The following WIZ variants were observed in gnomAD, a reference collection of about 807,000 sequenced individuals.
WIZ encodes the protein protein Wiz.
In WIZ, 25 loss-of-function variants were observed where a neutral mutation model predicts 140.2. The ratio of observed to expected loss-of-function variants is 0.18; its 90% CI spans 0.13 to 0.25. WIZ has a LOEUF of 0.25. Among genes scored for constraint, WIZ ranks in the 10% least tolerant of loss-of-function variants. The probability of loss-of-function intolerance (pLI) is 1.00; values close to 1 mark genes in which losing one functional copy is unlikely to be tolerated. For missense variants in WIZ, 2,231 were observed against 2,632.6 expected (o/e 0.85, Z 3.34); for synonymous variants, 1,125 against 1,154.3 (o/e 0.97, Z 0.51).
Position 15,448,308 on chromosome 19 carries a change from C to T in WIZ, c.-1G>A, listed in dbSNP as rs377351271. ...GGCTGCCTGCCAGAGACCCCTCCAT[C>T]GGATTTTCTCTGCTTGGATCCACTC... On this transcript the variant is annotated 5_prime_UTR_variant, in exon 2 of 13. Coordinates refer to ENST00000673675, the MANE Select transcript of WIZ (RefSeq NM_001371589.1). The T allele has an allele frequency of 2.5e-5, 41 of 1,611,622 alleles. No homozygotes were observed. Among genetic ancestry groups the T allele is most frequent in the East Asian group, 2.0e-4 (9 of 44,874 alleles).
In WIZ at chr19:15,424,128, C is replaced by CG; in HGVS notation, c.5510+54dup. 6 of 1,417,520 alleles carry CG rather than the reference C, an allele frequency of 4.2e-6. No homozygotes were observed. The highest frequency in any genetic ancestry group is 5.6e-6 in the Non-Finnish European group (6 of 1,077,710). The allele number at this position is 1,417,520 out of a possible 1,614,324, so 87.8% of individuals were successfully genotyped here. A position where few individuals can be genotyped will look rare whatever the true frequency, so the allele number is the denominator to read the frequency against. On this transcript the variant is annotated intron_variant, in intron 12 of 12. Transcript: ENST00000673675. The surrounding 1 kb of genome is among the most constrained non-coding windows in gnomAD (Gnocchi z 9.7). ...CAAACCCTATCCTGTTCCAAGGCTC[C>CG]GGGTGACCAAGGTCCACTCAGGTGG...
Position 15,424,460 on chromosome 19 carries a change from T to C in WIZ, c.5315-82A>G. On this transcript the variant is annotated intron_variant, in intron 11 of 12. Coordinates refer to ENST00000673675, the MANE Select transcript of WIZ (RefSeq NM_001371589.1). This position sits in a 1 kb window ranked among gnomAD's most constrained non-coding sequence, Gnocchi z 9.7. ...GGAATACACAAGAGCTGAGGACTGATGCTACCTGGATGGGTGGGATGGGGG... is the reference window on the plus strand; with the variant it reads ...GGAATACACAAGAGCTGAGGACTGACGCTACCTGGATGGGTGGGATGGGGG... 2 of 1,546,814 alleles carry C rather than the reference T, an allele frequency of 1.3e-6. No homozygotes were observed. Among genetic ancestry groups the C allele is most frequent in the Non-Finnish European group, 1.7e-6 (2 of 1,143,618 alleles).
chr19:15,439,221 G>A lies in WIZ; in HGVS notation c.1773C>T (p.Ser591=). 3 of 1,535,750 alleles carry A rather than the reference G, an allele frequency of 2.0e-6. No homozygotes were observed. Among genetic ancestry groups the A allele is most frequent in the Non-Finnish European group, 2.6e-6 (3 of 1,146,678 alleles). The change falls in exon 4 of 13, where the codon TCC becomes TCT. Residue 591 remains serine, a synonymous_variant. Coordinates refer to ENST00000673675, the MANE Select transcript of WIZ (RefSeq NM_001371589.1). This position sits in a 1 kb window ranked among gnomAD's most constrained non-coding sequence, Gnocchi z 7.0. The stretch of plus-strand genomic sequence containing the variant: ...TGCTTTTGTTTCTCCCGAGCTGTAA[G>A]GAGTAGGGGGTGGATGCTAGTGTGG... ...FPSTLASTPY[S]LQLGRNKSTV...
At chr19:15,432,498 CGGCGGTGGCGGTGGCGGTGGTGGT>C (rs1969319357) in intron 5 of WIZ, 6 of 894,202 alleles carry the variant, frequency 6.7e-6, no homozygotes, top group Non-Finnish European at 7.9e-6. Context: ...CGTCCCGCGG[CGGCGGTGGCGGTGGCGGTGGTGGT>C]GGCGGCGGCG....
Position 15,440,326 on chromosome 19 carries a change from T to G in WIZ, c.668A>C (p.Glu223Ala). The G allele has an allele frequency of 6.6e-7, 1 of 1,522,056 alleles. No individual in the cohort carries two copies. The highest frequency in any genetic ancestry group is 8.8e-7 in the Non-Finnish European group (1 of 1,138,210). 94.3% of individuals were successfully genotyped at this position (1,522,056 alleles called of 1,614,324 possible). A position where few individuals can be genotyped will look rare whatever the true frequency, so the allele number is the denominator to read the frequency against. Residue 223 changes from glutamate (E) to alanine (A), a missense_variant, in exon 4 of 13, where the codon GAA (glutamate) becomes GCA (alanine). By Grantham distance (107) the Glu-to-Ala change is moderately radical. Coordinates refer to ENST00000673675, the MANE Select transcript of WIZ (RefSeq NM_001371589.1). The surrounding 1 kb of genome is among the most constrained non-coding windows in gnomAD (Gnocchi z 6.2). ...CATGTCCAGCGTCTTCGGGGTGTCTTCCACTGGCACAAACACCCTCCTGAA... is the reference window on the plus strand; with the variant it reads ...CATGTCCAGCGTCTTCGGGGTGTCTGCCACTGGCACAAACACCCTCCTGAA... ...APFRRVFVPV[E>A]DTPKTLDMAV... is the part of the protein sequence containing the mutation.
rs1599705829 is a variant in WIZ, at chr19:15,440,836, C to T, written c.279-121G>A. The T allele has an allele frequency of 2.0e-6, 2 of 1,001,866 alleles. No individual in the cohort carries two copies. Among genetic ancestry groups the T allele is most frequent in the East Asian group, 2.7e-5 (1 of 37,700 alleles). 62.1% of individuals were successfully genotyped at this position (1,001,866 alleles called of 1,614,324 possible). A position where few individuals can be genotyped will look rare whatever the true frequency, so the allele number is the denominator to read the frequency against. ...CCCCGGAGATCCAGCCCGAGGGTGA[C>T]AGGGGTGTGGGGGTGAGGGTGGGAG... On this transcript the variant is annotated intron_variant, in intron 3 of 12. Transcript: ENST00000673675. This position sits in a 1 kb window ranked among gnomAD's most constrained non-coding sequence, Gnocchi z 6.2.
chr19:15,429,198 CCT>C (rs1250669110), intron 7 of WIZ, among the ~76,000 whole-genome samples: 6 of 152,108 alleles, frequency 3.9e-5, no homozygotes, highest in Admixed American at 6.5e-5. Context: ...CAGGTGATCC[CCT>C]GTCTATCCAA....
rs751290410 is a variant in WIZ, at chr19:15,439,207, C to A, written c.1787G>T (p.Arg596Ile). ...ASTPYSLQLG[R>I]NKSTVHPQGL... ...TTGTGGGTGGACGGTGCTTTTGTTT[C>A]TCCCGAGCTGTAAGGAGTAGGGGGT... Residue 596 changes from arginine (R) to isoleucine (I), a missense_variant, in exon 4 of 13, where the codon AGA becomes ATA. Arg to Ile is a moderately conservative substitution (Grantham distance 97, BLOSUM62 -3). Transcript: ENST00000673675. This position sits in a 1 kb window ranked among gnomAD's most constrained non-coding sequence, Gnocchi z 7.0. 54 of 1,535,666 alleles carry A rather than the reference C, an allele frequency of 3.5e-5. No individual in the cohort carries two copies. The Admixed American group carries it at 4.5e-4, about 13-fold the overall frequency.
chr19:15,425,168 C>T (rs1417319556), intron 10 of WIZ, 73 bp downstream of exon 10: 2 of 1,541,836 alleles, frequency 1.3e-6, no homozygotes, highest in African/African-American at 2.7e-5. Flanking sequence ...GGTCAGTGTG[C>T]ACGCTTGTGG....
Position 15,427,384 on chromosome 19 carries a change from G to A in WIZ, c.3964C>T (p.Leu1322=), listed in dbSNP as rs1374399349. ...GTCCGTCTCTTCAGGATCTCCCGCAGCGTGTCGATGGGCGAGCCATTGACG... is the reference window on the plus strand; with the variant it reads ...GTCCGTCTCTTCAGGATCTCCCGCAACGTGTCGATGGGCGAGCCATTGACG... ...WYVNGSPIDT[L]REILKRRTQS... is the part of the protein sequence containing the mutation. Residue 1322 remains leucine (L), a synonymous_variant, in exon 9 of 13, where the codon CTG becomes TTG. Transcript: ENST00000673675. This position sits in a 1 kb window ranked among gnomAD's most constrained non-coding sequence, Gnocchi z 6.4. 3 of 1,613,450 alleles carry A rather than the reference G, an allele frequency of 1.9e-6. No individual in the cohort carries two copies. Among genetic ancestry groups the A allele is most frequent in the African/African-American group, 2.7e-5 (2 of 74,928 alleles).
chr19:15,428,034 A>AGGGGGCT lies in WIZ; in HGVS notation c.3814+69_3814+75dup. 1 of 1,501,242 alleles carries AGGGGGCT rather than the reference A, an allele frequency of 6.7e-7. No homozygotes were observed. Among genetic ancestry groups the AGGGGGCT allele is most frequent in the Non-Finnish European group, 8.9e-7 (1 of 1,129,172 alleles). 93.0% of individuals were successfully genotyped at this position (1,501,242 alleles called of 1,614,324 possible). ...CTGTCTACTCCCTGCCCCAGCAGGGAGGGGGCTGTGACCCCCCCCCCGGGA... is the reference window on the plus strand; with the variant it reads ...CTGTCTACTCCCTGCCCCAGCAGGGAGGGGGCTGGGGGCTGTGACCCCCCCCCCGGGA... On this transcript the variant is annotated intron_variant, in intron 8 of 12. Transcript: ENST00000673675. The surrounding 1 kb of genome is among the most constrained non-coding windows in gnomAD (Gnocchi z 6.4).
chr19:15,425,103 G>A (rs1193516210), intron 10 of WIZ, 71 bp from the exon 11 acceptor site: 2 of 1,507,510 alleles, frequency 1.3e-6, no homozygotes, highest in Non-Finnish European at 1.8e-6. Flanking sequence ...GCCCTGCCCA[G>A]GCCAGGTGCC....
At position 15,440,291 on chromosome 19, in the gene WIZ, C is replaced by T. The variant is rs997094018; in HGVS notation, c.703G>A (p.Gly235Ser). 6.7e-7 allele frequency: 1 copy of T among 1,495,286 alleles called. No homozygotes were observed. Among genetic ancestry groups the T allele is most frequent in the African/African-American group, 1.4e-5 (1 of 71,858 alleles). 92.6% of individuals were successfully genotyped at this position (1,495,286 alleles called of 1,614,324 possible). A position where few individuals can be genotyped will look rare whatever the true frequency, so the allele number is the denominator to read the frequency against. The change falls in exon 4 of 13, where the codon GGT (glycine) becomes AGT (serine). Residue 235 changes from glycine (G) to serine (S), a missense_variant. This residue lies in a region of WIZ where 307 missense variants were observed against 294.1 expected (regional missense o/e 1.04). Transcript: ENST00000673675. This position sits in a 1 kb window ranked among gnomAD's most constrained non-coding sequence, Gnocchi z 6.2. ...AGGTCCTCCAGATCTTCTCTGCCACCCACCACCGCCATGTCCAGCGTCTTC... is the reference window on the plus strand; with the variant it reads ...AGGTCCTCCAGATCTTCTCTGCCACTCACCACCGCCATGTCCAGCGTCTTC... ...TPKTLDMAVV[G>S]GREDLEDLEG...
In WIZ at chr19:15,422,553, CCT is replaced by C. The variant is rs1452945106; in HGVS notation, c.*521_*522del. On this transcript the variant is annotated 3_prime_UTR_variant, in exon 13 of 13. Transcript: ENST00000673675. Reference sequence around the variant, plus strand: ...GCCCCACAGAGGGAGCGTGGCTTCCCCTGAGCAAGCACCGTGGCATGATGTGG... The same window carrying C: ...GCCCCACAGAGGGAGCGTGGCTTCCCGAGCAAGCACCGTGGCATGATGTGG... The C allele has an allele frequency of 6.6e-6, 1 of 152,660 alleles. No individual in the cohort carries two copies. Among genetic ancestry groups the C allele is most frequent in the African/African-American group, 2.4e-5 (1 of 41,470 alleles). 9.5% of individuals were successfully genotyped at this position (152,660 alleles called of 1,614,324 possible). A position where few individuals can be genotyped will look rare whatever the true frequency, so the allele number is the denominator to read the frequency against.
chr19:15,448,381 G>A lies in WIZ; in HGVS notation c.-60-14C>T. On this transcript the variant is annotated splice_polypyrimidine_tract_variant and intron_variant, in intron 1 of 12. Coordinates refer to ENST00000673675, the MANE Select transcript of WIZ (RefSeq NM_001371589.1). ...GGCATTGTGGGCCTGGGGATAGAGA[G>A]AAGGAAGTGCTTAGGGGATGGAGGA... 1.9e-6 allele frequency: 3 copies of A among 1,563,848 alleles called. No homozygotes were observed. Among genetic ancestry groups the A allele is most frequent in the Middle Eastern group, 1.7e-4 (1 of 5,894 alleles).
At position 15,422,747 on chromosome 19, in the gene WIZ, G is replaced by A. The variant is rs10413192; in HGVS notation, c.*329C>T. 0.02 allele frequency: 7,492 copies of A among 379,542 alleles called. 426 individuals carry two copies. Among genetic ancestry groups the A allele is most frequent in the African/African-American group, 0.12 (6,018 of 48,736 alleles). The allele number at this position is 379,542 out of a possible 1,614,324, so 23.5% of individuals were successfully genotyped here. ...CAAATGGCCACGGATGGCAGACATC[G>A]CCCTGCCTGGCTGCTAGACGGGGGA... On this transcript the variant is annotated 3_prime_UTR_variant, in exon 13 of 13. Coordinates refer to ENST00000673675, the MANE Select transcript of WIZ (RefSeq NM_001371589.1).
At position 15,442,782 on chromosome 19, in the gene WIZ, G is replaced by A; in HGVS notation, c.206-34C>T. The A allele has an allele frequency of 3.3e-6, 4 of 1,222,506 alleles. No individual in the cohort carries two copies. Among genetic ancestry groups the A allele is most frequent in the Non-Finnish European group, 3.1e-6 (3 of 979,394 alleles). The allele number at this position is 1,222,506 out of a possible 1,614,324, so 75.7% of individuals were successfully genotyped here. The stretch of plus-strand genomic sequence containing the variant: ...GAGAGGGGAGACCCTGAGGGGCTGG[G>A]GTCCCCCTGGCCGGGGCCCTCCACA... On this transcript the variant is annotated intron_variant, in intron 2 of 12. Transcript: ENST00000673675. The surrounding 1 kb of genome is among the most constrained non-coding windows in gnomAD (Gnocchi z 5.5).
chr19:15,436,555 T>C (rs1969521756), intron 5 of WIZ: 1 of 469,326 alleles, frequency 2.1e-6, no homozygotes, highest in Non-Finnish European at 3.7e-6. Context: ...TCAGTAAGCA[T>C]TTGTCAAAGT....
Position 15,422,819 on chromosome 19 carries a change from C to T in WIZ, c.*257G>A. On this transcript the variant is annotated 3_prime_UTR_variant, in exon 13 of 13. Coordinates refer to ENST00000673675, the MANE Select transcript of WIZ (RefSeq NM_001371589.1). Reference sequence around the variant, plus strand: ...AGACCGGCTGCCATCAGAGACCTGGCTGCTGCCCCTGCTGGACCAGGTGGG... The same window carrying T: ...AGACCGGCTGCCATCAGAGACCTGGTTGCTGCCCCTGCTGGACCAGGTGGG... The T allele has an allele frequency of 5.5e-6, 3 of 543,356 alleles. No homozygotes were observed. The highest frequency in any genetic ancestry group is 6.3e-5 in the East Asian group (2 of 31,514). The allele number at this position is 543,356 out of a possible 1,614,324, so 33.7% of individuals were successfully genotyped here. A position where few individuals can be genotyped will look rare whatever the true frequency, so the allele number is the denominator to read the frequency against.
Sources: allele counts gnomAD v4.1 joint callset (sites outside exome capture counted in the v4.1 genomes callset), GRCh38; gene constraint gnomAD v4.1.1; regional missense constraint gnomAD v4.1.1; non-coding constraint Gnocchi (gnomAD v3.1); transcripts MANE v1.5; gene names NCBI Gene and HGNC (gene_info 2026-07-23, HGNC 2026-07-21).